Variants in TBX10 observed in about 807,000 individuals in gnomAD.
TBX10 encodes T-box transcription factor 10.
TBX10 carries 26 observed loss-of-function variants against 32.4 expected under a neutral mutation model. The observed-to-expected ratio is 0.80, with a 90% CI of 0.59 to 1.11. The LOEUF is 1.11. Among genes scored for constraint, TBX10 ranks in the 50% most tolerant of loss-of-function variants. The pLI is 0.00. For missense variants in TBX10, 490 were observed against 494.5 expected (o/e 0.99, Z 0.09); for synonymous variants, 195 against 203.1 (o/e 0.96, Z 0.34).
intron 3 of TBX10, 63 bp from the exon 4 acceptor site, chr11:67,634,423 C>T (rs971156477): frequency 1.5e-5 from 23 of 1,582,040 alleles, no homozygotes; most frequent in African/African-American, 2.7e-5. Flanking sequence ...ACAATACAGG[C>T]GGGGTGAAGG....
intron 2 of TBX10, 28 bp from the exon 3 acceptor site, chr11:67,634,945 G>A: frequency 6.2e-7 from 1 of 1,613,078 alleles, no homozygotes; most frequent in Non-Finnish European, 8.5e-7. Context: ...TCAGCAGCCG[G>A]ATGCGGCTCC....
chr11:67,635,841 C>G (rs1384991238), intron 1 of TBX10, among the ~76,000 whole-genome samples: 1 of 152,240 alleles, frequency 6.6e-6, no homozygotes, highest in South Asian at 2.1e-4. Flanking sequence ...CTCCAGAAAC[C>G]CATCCTACCG....
chr11:67,632,848 G>T, intron 5 of TBX10, 100 bp downstream of exon 5: 1 of 1,593,448 alleles, frequency 6.3e-7, no homozygotes. Flanking sequence ...CAAGTTGGGA[G>T]GGCAGTAGTC....
chr11:67,635,597 C>T (rs532676790), intron 1 of TBX10, among the ~76,000 whole-genome samples: 3 of 150,588 alleles, frequency 2.0e-5, no homozygotes, highest in Non-Finnish European at 4.4e-5. Flanking sequence ...ACCTGCCTCA[C>T]AAGGCCGATG....
intron 5 of TBX10, 46 bp from the exon 6 acceptor site, chr11:67,632,716 C>T (rs765663716): frequency 1.9e-6 from 3 of 1,610,684 alleles, no homozygotes; most frequent in South Asian, 1.1e-5. Flanking sequence ...GAGCCAGGCT[C>T]AGCCACCTTG....
chr11:67,636,373 A>T (rs1274355234), intron 1 of TBX10, among the ~76,000 whole-genome samples: 1 of 151,656 alleles, frequency 6.6e-6, no homozygotes, highest in South Asian at 2.1e-4. Context: ...GTGAGCCACT[A>T]TGCCTGGCCT....
chr11:67,636,662 T>C (rs1230491765), intron 1 of TBX10, among the ~76,000 whole-genome samples: 2 of 152,050 alleles, frequency 1.3e-5, no homozygotes, highest in East Asian at 3.9e-4. Flanking sequence ...CATGCCTGGC[T>C]AATTTTTGTA....
chr11:67,641,359 C>T (rs530299185), upstream of TBX10, among the ~76,000 whole-genome samples: 569 of 152,348 alleles, frequency 3.7e-3, 5 homozygotes, highest in African/African-American at 0.012. Context: ...CCTGCTGACT[C>T]GCCACATGGC....
At chr11:67,634,042 G>T in intron 4 of TBX10, 147 bp downstream of exon 4, 2 of 735,910 alleles carry the variant, frequency 2.7e-6, no homozygotes, top group Non-Finnish European at 4.0e-6. Flanking sequence ...GCCACCCCCA[G>T]CCAGGTGAGC....
At chr11:67,639,393 T>TGCCCCCCCCCCCCCCCCCC in intron 1 of TBX10, 73 bp downstream of exon 1, 1 of 726,920 alleles carries the variant, frequency 1.4e-6, no homozygotes, top group Non-Finnish European at 2.5e-6. Flanking sequence ...CTGTCTTGGT[T>TGCCCCCCCCCCCCCCCCCC]CCCACCCTGC....
chr11:67,634,059 C>G, intron 4 of TBX10, 130 bp downstream of exon 4: 1 of 1,397,282 alleles, frequency 7.2e-7, no homozygotes, highest in Non-Finnish European at 1.0e-6. Context: ...GAGCTCGCCA[C>G]CCCGGCTCCC....
chr11:67,639,353 C>A (rs1202314410), intron 1 of TBX10, 113 bp downstream of exon 1: 2 of 1,501,498 alleles, frequency 1.3e-6, no homozygotes, highest in East Asian at 2.4e-5. Context: ...CCTGCCCCAC[C>A]CTCTTGTGAA....
upstream of TBX10, among the ~76,000 whole-genome samples, chr11:67,641,409 C>G (rs540552765): frequency 6.6e-6 from 1 of 152,226 alleles, no homozygotes; most frequent in Non-Finnish European, 1.5e-5. Context: ...ACTTACCACA[C>G]AGCACGCGCA....
rs1241304488 is a variant in TBX10, at chr11:67,631,858, G to A, written c.905C>T (p.Pro302Leu). 1.3e-6 allele frequency: 2 copies of A among 1,578,510 alleles called. No individual in the cohort carries two copies. Among genetic ancestry groups the A allele is most frequent in the Non-Finnish European group, 8.6e-7 (1 of 1,162,242 alleles). ...CAGCAGCTGATGATGGAGCCAAGCA[G>A]GGGTCTTGGAGGTGGAAGCTGAAGC... ...NKASASTSKT[P>L]AWLHHQLLPP... The change falls in exon 8 of 8, where the codon CCT (proline) becomes CTT (leucine). Residue 302 changes from proline (P) to leucine (L), a missense_variant. By Grantham distance (98) the Pro-to-Leu change is moderately conservative. Transcript: ENST00000335385.
At chr11:67,632,815 T>C (rs1376061256) in intron 5 of TBX10, 133 bp downstream of exon 5, 2 of 1,559,364 alleles carry the variant, frequency 1.3e-6, no homozygotes, top group Non-Finnish European at 1.8e-6. Context: ...GGCAGGGCCT[T>C]GACTGATGGC....
intron 4 of TBX10, among the ~76,000 whole-genome samples, chr11:67,633,724 C>T (rs1855275883): frequency 6.6e-6 from 1 of 152,228 alleles, no homozygotes; most frequent in African/African-American, 2.4e-5. Context: ...CCCCTGAGAG[C>T]AGCAGCACCC....
rs1354208362 is a variant in TBX10, at chr11:67,634,105, C to G, written c.549+84G>C. 7 of 1,582,494 alleles carry G rather than the reference C, an allele frequency of 4.4e-6. No individual in the cohort carries two copies. In the East Asian group the frequency reaches 1.1e-4, roughly 25 times the overall value. On this transcript the variant is annotated intron_variant, in intron 4 of 7. Transcript: ENST00000335385. ...TGACCATCAGCAGCAGGCAGAGGTG[C>G]TGGGCACCAAGGCCATTGGACACCA... is the stretch of plus-strand genomic sequence containing the variant.
At chr11:67,637,282 T>C (rs950787518) in intron 1 of TBX10, among the ~76,000 whole-genome samples, 1 of 152,244 alleles carries the variant, frequency 6.6e-6, no homozygotes, top group Non-Finnish European at 1.5e-5. Flanking sequence ...ACAACAGTGT[T>C]GTTAGAAATG....
At chr11:67,638,670 C>T (rs1284124816) in intron 1 of TBX10, among the ~76,000 whole-genome samples, 1 of 152,186 alleles carries the variant, frequency 6.6e-6, no homozygotes, top group Non-Finnish European at 1.5e-5. Context: ...TCCTCAGCAG[C>T]CCTGAGAGCT....
Sources: gnomAD v4.1 joint callset for allele counts (sites outside exome capture counted in the v4.1 genomes callset) on GRCh38, gnomAD v4.1.1 for gene constraint, MANE v1.5 for transcripts, NCBI Gene and HGNC (gene_info 2026-07-23, HGNC 2026-07-21) for gene names.